ADAMTS12: variants seen among roughly 807,000 people sequenced by gnomAD.
ADAMTS12 encodes A disintegrin and metalloproteinase with thrombospondin motifs 12.
A neutral mutation model predicts 167.8 loss-of-function variants in ADAMTS12; 118 were observed. The observed-to-expected ratio is 0.70, with a 90% CI of 0.61 to 0.82. The LOEUF (loss-of-function observed/expected upper bound fraction) is 0.82. ADAMTS12 is among the 40% of genes least tolerant of loss of function. The pLI, the probability that ADAMTS12 is intolerant of heterozygous loss-of-function variation, is 0.00. For missense variants in ADAMTS12, 1,916 were observed against 1,998.8 expected (o/e 0.96, Z 0.79); for synonymous variants, 704 against 716.9 (o/e 0.98, Z 0.29).
rs373100027 is a variant in ADAMTS12, at chr5:33,754,861, A to AAAAT, written c.490-3317_490-3314dup. On this transcript the variant is annotated intron_variant, in intron 2 of 23. Transcript: ENST00000504830. ...ACAAGAGGGAAGAAAACTCCATCTC[A>AAAAT]AAATAAATAAATAAATAAATAAATA... is the stretch of plus-strand genomic sequence containing the variant. Among the ~76,000 whole-genome samples, 948 of 152,204 alleles carry AAAAT rather than the reference A, an allele frequency of 6.2e-3. 9 individuals carry two copies. Among genetic ancestry groups the AAAAT allele is most frequent in the African/African-American group, 0.016 (648 of 41,538 alleles).
In ADAMTS12 at chr5:33,595,983, G is replaced by A. The variant is rs1315569838; in HGVS notation, c.2605C>T (p.Gln869Ter). 1.9e-6 allele frequency: 3 copies of A among 1,614,168 alleles called. No individual in the cohort carries two copies. The highest frequency in any genetic ancestry group is 3.3e-5 in the Admixed American group (2 of 60,032). Residue 869 changes from glutamine (Q) to a stop codon, truncating the protein, a stop_gained, in exon 17 of 24, where the codon CAG becomes TAG. Transcript: ENST00000504830. LOFTEE classifies it high-confidence loss of function. ...VKATFCDPETQPNGRQKKCHE... is the reference protein window; with the variant it reads ...VKATFCDPET ...CACTTCTTCTGTCTCCCATTGGGCT[G>A]TGTTTCTGGGTCACAGAATGTAGCT...
chr5:33,646,849 C>T (rs2112185304), intron 9 of ADAMTS12, among the ~76,000 whole-genome samples: 1 of 152,028 alleles, frequency 6.6e-6, no homozygotes, highest in African/African-American at 2.4e-5. Context: ...TAAAAGATTA[C>T]ATCAAAAGTT....
At chr5:33,603,036 G>A (rs1561160690) in intron 16 of ADAMTS12, among the ~76,000 whole-genome samples, 1 of 152,182 alleles carries the variant, frequency 6.6e-6, no homozygotes, top group African/African-American at 2.4e-5. Context: ...TAGGGCAGAA[G>A]TGTTCTCTCT....
intron 5 of ADAMTS12, among the ~76,000 whole-genome samples, chr5:33,663,321 G>T (rs1371872327): frequency 6.6e-6 from 1 of 152,134 alleles, no homozygotes; most frequent in Non-Finnish European, 1.5e-5. Flanking sequence ...CAGCCAAGCT[G>T]TTGCTAGATT....
intron 2 of ADAMTS12, among the ~76,000 whole-genome samples, chr5:33,859,550 G>A (rs1232163940): frequency 6.6e-6 from 1 of 152,222 alleles, no homozygotes. Flanking sequence ...CTGGGACAGA[G>A]CATTTGGGTG....
At chr5:33,771,825 T>G (rs1017255312) in intron 2 of ADAMTS12, among the ~76,000 whole-genome samples, 2 of 151,270 alleles carry the variant, frequency 1.3e-5, no homozygotes. Context: ...TCATCCTTTT[T>G]CTTTCTTTCT....
At position 33,773,875 on chromosome 5, in the gene ADAMTS12, T is replaced by C. The variant is rs1441230712; in HGVS notation, c.490-22327A>G. ...AATATGGCCAAGAAGCCACTGACTG[T>C]CAGGGGGTGCCCAAAGAAAGCAGCT... On this transcript the variant is annotated intron_variant, in intron 2 of 23. Transcript: ENST00000504830. Among the ~76,000 whole-genome samples the C allele has an allele frequency of 4.6e-5, 7 of 152,258 alleles. No individual in the cohort carries two copies. In the East Asian group the frequency reaches 1.4e-3, roughly 29 times the overall value.
At chr5:33,669,022 T>C (rs10461705) in intron 5 of ADAMTS12, among the ~76,000 whole-genome samples, 145,174 of 152,264 alleles carry the variant, frequency 0.95, 69,593 homozygotes, top group Non-Finnish European at 1. Flanking sequence ...TAATGAAACA[T>C]GCATTTTAAT....
At chr5:33,689,894 G>A (rs1742489564) in intron 3 of ADAMTS12, among the ~76,000 whole-genome samples, 1 of 152,234 alleles carries the variant, frequency 6.6e-6, no homozygotes, top group Non-Finnish European at 1.5e-5. Context: ...GAACCCCAAA[G>A]TTGCTGGGGT....
intron 23 of ADAMTS12, among the ~76,000 whole-genome samples, chr5:33,529,526 T>C (rs1743991503): frequency 6.6e-6 from 1 of 152,204 alleles, no homozygotes; most frequent in Non-Finnish European, 1.5e-5. Flanking sequence ...AACAGGCCGC[T>C]GTCCTTTGTA....
intron 3 of ADAMTS12, among the ~76,000 whole-genome samples, chr5:33,712,892 G>T (rs1302544386): frequency 6.6e-6 from 1 of 152,026 alleles, no homozygotes; most frequent in Admixed American, 6.6e-5. Context: ...AAAATCAATG[G>T]GGTCATGGCC....
chr5:33,653,151 G>A (rs904270939), intron 7 of ADAMTS12, among the ~76,000 whole-genome samples: 10 of 151,992 alleles, frequency 6.6e-5, no homozygotes, highest in Non-Finnish European at 7.4e-5. Context: ...ATAATATTAG[G>A]TTTAAATTTT....
chr5:33,714,234 C>T (rs1338576263), intron 3 of ADAMTS12, among the ~76,000 whole-genome samples: 2 of 151,970 alleles, frequency 1.3e-5, no homozygotes, highest in African/African-American at 4.8e-5. Context: ...ATCATCTCAC[C>T]CCAGTTAGGA....
intron 11 of ADAMTS12, among the ~76,000 whole-genome samples, chr5:33,639,023 G>T (rs537545123): frequency 6.6e-6 from 1 of 152,060 alleles, no homozygotes; most frequent in Non-Finnish European, 1.5e-5. Context: ...CCTGGAGTTC[G>T]AATTTGGTAT....
intron 16 of ADAMTS12, among the ~76,000 whole-genome samples, chr5:33,601,106 A>AGTGTGTGTGTGTGTGTGTGTGT (rs55841502): frequency 6.9e-6 from 1 of 145,820 alleles, no homozygotes; most frequent in African/African-American, 2.5e-5. Context: ...CACATTTAAG[A>AGTGTGTGTGTGTGTGTGTGTGT]GTGTGTGTGT....
intron 22 of ADAMTS12, among the ~76,000 whole-genome samples, chr5:33,536,893 G>A (rs372697560): frequency 1.5e-4 from 23 of 152,152 alleles, no homozygotes; most frequent in African/African-American, 4.8e-4. Context: ...TTCTCTTTTC[G>A]AGGTCATGTT....
chr5:33,733,346 A>G (rs1471591123), intron 3 of ADAMTS12, among the ~76,000 whole-genome samples: 2 of 152,246 alleles, frequency 1.3e-5, no homozygotes, highest in Non-Finnish European at 2.9e-5. Context: ...TCCAGAACAC[A>G]GAATCTGTAG....
intron 21 of ADAMTS12, among the ~76,000 whole-genome samples, chr5:33,548,344 T>C (rs538593705): frequency 1.6e-4 from 25 of 152,314 alleles, no homozygotes; most frequent in South Asian, 1.2e-3. Context: ...TATTTTCTCA[T>C]TGTGTGTCTC....
intron 19 of ADAMTS12, among the ~76,000 whole-genome samples, chr5:33,565,437 C>A (rs1745963952): frequency 6.6e-6 from 1 of 152,226 alleles, no homozygotes; most frequent in Non-Finnish European, 1.5e-5. Flanking sequence ...CAGGCATGAG[C>A]CACCGCTCTG....
Sources: allele counts gnomAD v4.1 joint callset (sites outside exome capture counted in the v4.1 genomes callset), GRCh38; gene constraint gnomAD v4.1.1; transcripts MANE v1.5; gene names NCBI Gene and HGNC (gene_info 2026-07-23, HGNC 2026-07-21).